GALNTL5: variants seen among roughly 807,000 people sequenced by gnomAD.
The protein encoded by GALNTL5 is inactive polypeptide N-acetylgalactosaminyltransferase-like protein 5.
Under a neutral mutation model 51.0 loss-of-function variants are expected in GALNTL5, and 44 were observed. That is an observed-to-expected ratio of 0.86 (90% CI 0.68 to 1.11). GALNTL5 has a LOEUF of 1.11. GALNTL5 is among the 50% of genes least tolerant of loss of function. GALNTL5 has a pLI of 0.00. For synonymous variants in GALNTL5, 192 were observed against 182.8 expected (o/e 1.05, Z -0.41); for missense variants, 528 against 531.8 (o/e 0.99, Z 0.07).
chr7:151,970,884 C>T, intron 2 of GALNTL5, 61 bp from the exon 3 acceptor site: 3 of 1,407,378 alleles, frequency 2.1e-6, no homozygotes, highest in Admixed American at 2.2e-5. Context: ...TAGATCTTTC[C>T]TTTCCTGCAT....
chr7:151,971,095 CTAGATAGATAGATAGA>C, intron 3 of GALNTL5, 30 bp downstream of exon 3: 1 of 1,120,592 alleles, frequency 8.9e-7, no homozygotes. Flanking sequence ...CTCTCATTCT[CTAGATAGATAGATAGA>C]TAGATAGATA....
intron 3 of GALNTL5, among the ~76,000 whole-genome samples, chr7:151,977,142 A>AT (rs1298029771): frequency 6.6e-6 from 1 of 152,220 alleles, no homozygotes; most frequent in African/African-American, 2.4e-5. Flanking sequence ...TTACTTTACA[A>AT]TATGGCCAAT....
intron 3 of GALNTL5, among the ~76,000 whole-genome samples, chr7:151,976,829 G>A (rs60911700): frequency 0.26 from 40,006 of 151,806 alleles, 5,398 homozygotes; most frequent in East Asian, 0.38. Flanking sequence ...CACCACACCC[G>A]GTTAATTTTT....
At chr7:151,999,930 A>G (rs2081550076) in intron 5 of GALNTL5, among the ~76,000 whole-genome samples, 2 of 152,230 alleles carry the variant, frequency 1.3e-5, no homozygotes, top group African/African-American at 2.4e-5. Flanking sequence ...CTGAGAACCA[A>G]TGAGATGGCT....
At chr7:151,958,935 CTGGGGTTTTCA>C (rs2080959653) in intron 1 of GALNTL5, among the ~76,000 whole-genome samples, 1 of 152,090 alleles carries the variant, frequency 6.6e-6, no homozygotes, top group African/African-American at 2.4e-5. Context: ...GGGGCTGAGT[CTGGGGTTTTCA>C]TGGGCTCAGA....
intron 7 of GALNTL5, among the ~76,000 whole-genome samples, chr7:152,009,687 C>A (rs1368698744): frequency 5.3e-5 from 8 of 152,172 alleles, no homozygotes; most frequent in Admixed American, 4.6e-4. Flanking sequence ...CTGAGCCAAC[C>A]AAATACCTTC....
chr7:152,004,734 T>G (rs1363903459), intron 6 of GALNTL5, among the ~76,000 whole-genome samples: 2 of 152,242 alleles, frequency 1.3e-5, no homozygotes, highest in African/African-American at 4.8e-5. Flanking sequence ...TTGTTTCACT[T>G]AAGATAATGG....
intron 5 of GALNTL5, among the ~76,000 whole-genome samples, chr7:151,989,141 T>C (rs1307735467): frequency 1.3e-5 from 2 of 152,020 alleles, no homozygotes; most frequent in African/African-American, 2.4e-5. Flanking sequence ...ATATTTCATA[T>C]GGATTTTATT....
intron 5 of GALNTL5, among the ~76,000 whole-genome samples, chr7:151,992,752 G>A (rs572666204): frequency 6.6e-6 from 1 of 152,160 alleles, no homozygotes; most frequent in East Asian, 1.9e-4. Context: ...GTAGCACTAC[G>A]GTCTGGATTG....
chr7:151,992,538 G>A (rs1020836426), intron 5 of GALNTL5, among the ~76,000 whole-genome samples: 1 of 152,114 alleles, frequency 6.6e-6, no homozygotes, highest in Non-Finnish European at 1.5e-5. Flanking sequence ...CTGTTCACAG[G>A]CGTCCTCCCT....
Position 152,007,457 on chromosome 7 carries a change from G to A in GALNTL5, c.909-370G>A, listed in dbSNP as rs546719469. Among the ~76,000 whole-genome samples the A allele has an allele frequency of 4.9e-5, 6 of 122,460 alleles. No homozygotes were observed. In the South Asian group the frequency reaches 7.4e-4, roughly 15 times the overall value. 80.3% of individuals were successfully genotyped at this position (122,460 alleles called of 152,430 possible). A position where few individuals can be genotyped will look rare whatever the true frequency, so the allele number is the denominator to read the frequency against. Reference sequence around the variant, plus strand: ...TTTTGAGACAGAGTCTGGCTCTGTCGTCCCAGGCTGGAGTGCTGTGGCACG... The same window carrying A: ...TTTTGAGACAGAGTCTGGCTCTGTCATCCCAGGCTGGAGTGCTGTGGCACG... On this transcript the variant is annotated intron_variant, in intron 6 of 8. Coordinates refer to ENST00000392800, the MANE Select transcript of GALNTL5 (RefSeq NM_145292.4).
chr7:152,008,915 T>C (rs2081691545), intron 7 of GALNTL5, among the ~76,000 whole-genome samples: 1 of 152,230 alleles, frequency 6.6e-6, no homozygotes. Context: ...CAGGATCTAA[T>C]AACTGTGATC....
At chr7:151,996,849 C>A (rs867325548) in intron 5 of GALNTL5, among the ~76,000 whole-genome samples, 1 of 150,214 alleles carries the variant, frequency 6.7e-6, no homozygotes, top group Non-Finnish European at 1.5e-5. Flanking sequence ...TTGTAGAGAC[C>A]AAACTGAGAA....
chr7:152,004,653 G>C (rs2151957791), intron 6 of GALNTL5, among the ~76,000 whole-genome samples: 1 of 152,170 alleles, frequency 6.6e-6, no homozygotes, highest in African/African-American at 2.4e-5. Flanking sequence ...CACACTCTAT[G>C]TCCATGTGTA....
intron 7 of GALNTL5, among the ~76,000 whole-genome samples, chr7:152,008,400 A>G (rs2081680635): frequency 6.6e-6 from 1 of 151,776 alleles, no homozygotes; most frequent in Non-Finnish European, 1.5e-5. Flanking sequence ...TAAAATAAAT[A>G]TATTTAATTT....
intron 5 of GALNTL5, among the ~76,000 whole-genome samples, chr7:151,999,064 T>C (rs12671019): frequency 0.33 from 50,792 of 151,880 alleles, 8,712 homozygotes; most frequent in East Asian, 0.53. Context: ...CCCTCCAGTC[T>C]CTGGCAACCA....
chr7:151,965,781 G>A (rs1387122831), intron 1 of GALNTL5, among the ~76,000 whole-genome samples: 1 of 152,090 alleles, frequency 6.6e-6, no homozygotes, highest in Non-Finnish European at 1.5e-5. Flanking sequence ...CAGCTATTCA[G>A]GAAGCTGAGG....
intron 5 of GALNTL5, among the ~76,000 whole-genome samples, chr7:151,998,124 G>A (rs536692057): frequency 2.0e-5 from 3 of 152,202 alleles, no homozygotes; most frequent in Non-Finnish European, 2.9e-5. Context: ...CAAGAGGATC[G>A]CTTGAGTCCA....
intron 2 of GALNTL5, among the ~76,000 whole-genome samples, chr7:151,969,972 A>ATTT (rs557162369): frequency 1.2e-4 from 17 of 147,592 alleles, no homozygotes; most frequent in East Asian, 4.0e-4. Flanking sequence ...ACGCCTGGCT[A>ATTT]TTTTTTTTTT....
Sources: allele counts gnomAD v4.1 joint callset (sites outside exome capture counted in the v4.1 genomes callset), GRCh38; gene constraint gnomAD v4.1.1; transcripts MANE v1.5; gene names NCBI Gene and HGNC (gene_info 2026-07-23, HGNC 2026-07-21).